The following SPRED3 variants were observed in gnomAD, a reference collection of about 807,000 sequenced individuals.
The protein encoded by SPRED3 is sprouty-related, EVH1 domain-containing protein 3.
A neutral mutation model predicts 37.6 loss-of-function variants in SPRED3; 23 were observed. The ratio of observed to expected loss-of-function variants is 0.61; its 90% CI spans 0.44 to 0.87. The LOEUF (loss-of-function observed/expected upper bound fraction) is 0.87, where lower values mean the gene tolerates loss of function less well. SPRED3 is among the 40% of genes least tolerant of loss of function. SPRED3 has a pLI of 0.00. For missense variants in SPRED3, 584 were observed against 618.6 expected (o/e 0.94, Z 0.59); for synonymous variants, 302 against 279.6 (o/e 1.08, Z -0.80).
At chr19:38,392,339 T>A (rs1970843796) in intron 4 of SPRED3, 51 bp downstream of exon 4, 5 of 1,455,864 alleles carry the variant, frequency 3.4e-6, no homozygotes, top group Non-Finnish European at 4.5e-6. Flanking sequence ...GTTTTGTTTT[T>A]ATTCTATGAA....
chr19:38,388,937 G>T (rs919236858), intron 1 of SPRED3, 130 bp downstream of exon 1: 6 of 393,730 alleles, frequency 1.5e-5, no homozygotes, highest in African/African-American at 1.2e-4. Context: ...GGACTAGAGA[G>T]TGGGGACCCC....
At position 38,397,012 on chromosome 19, in the gene SPRED3, A is replaced by G. The variant is rs930852657; in HGVS notation, c.*867A>G. On this transcript the variant is annotated 3_prime_UTR_variant, in exon 6 of 6. Coordinates refer to ENST00000691638, the MANE Select transcript of SPRED3 (RefSeq NM_001394336.1). ...CAGACACCAAGATGCTCTGGAAGCC[A>G]GGGATCAAAGACCTCCATAGGTCCA... 6.6e-6 allele frequency: 1 copy of G among 152,222 alleles called. No individual in the cohort carries two copies. Among genetic ancestry groups the G allele is most frequent in the Non-Finnish European group, 1.5e-5 (1 of 68,046 alleles). 9.4% of individuals were successfully genotyped at this position (152,222 alleles called of 1,614,324 possible). A position where few individuals can be genotyped will look rare whatever the true frequency, so the allele number is the denominator to read the frequency against.
At position 38,398,206 on chromosome 19, in the gene SPRED3, C is replaced by T. The variant is rs940371289; in HGVS notation, c.*2061C>T. The T allele has an allele frequency of 6.6e-6, 1 of 152,348 alleles. No homozygotes were observed. The highest frequency in any genetic ancestry group is 2.1e-4 in the South Asian group (1 of 4,800). The allele number at this position is 152,348 out of a possible 1,614,324, so 9.4% of individuals were successfully genotyped here. A position where few individuals can be genotyped will look rare whatever the true frequency, so the allele number is the denominator to read the frequency against. ...TCCCACCTTTTATGTTCTCCCCCTC[C>T]ATTAACCCCTTCTCTTCCTATTTAT... On this transcript the variant is annotated 3_prime_UTR_variant, in exon 6 of 6. Coordinates refer to ENST00000691638, the MANE Select transcript of SPRED3 (RefSeq NM_001394336.1).
chr19:38,396,320 C>T lies in SPRED3; in HGVS notation c.*175C>T, dbSNP rs1970897464. On this transcript the variant is annotated 3_prime_UTR_variant, in exon 6 of 6. Coordinates refer to ENST00000691638, the MANE Select transcript of SPRED3 (RefSeq NM_001394336.1). Reference sequence around the variant, plus strand: ...GAACCCAAACCTAGGACTGAGAGACCCCAGCCCCAGCTTCATTGGGGTGTC... The same window carrying T: ...GAACCCAAACCTAGGACTGAGAGACTCCAGCCCCAGCTTCATTGGGGTGTC... 2.4e-6 allele frequency: 1 copy of T among 408,788 alleles called. No individual in the cohort carries two copies. The highest frequency in any genetic ancestry group is 4.7e-5 in the Admixed American group (1 of 21,252). 25.3% of individuals were successfully genotyped at this position (408,788 alleles called of 1,614,324 possible).
intron 2 of SPRED3, among the ~76,000 whole-genome samples, chr19:38,391,701 C>A (rs142838706): frequency 2.7e-4 from 41 of 152,084 alleles, no homozygotes; most frequent in African/African-American, 8.7e-4. Flanking sequence ...AGGTTGATTC[C>A]GTAGTGAGCC....
At chr19:38,391,795 C>T (rs1970835741) in intron 2 of SPRED3, 151 bp from the exon 3 acceptor site, 2 of 859,876 alleles carry the variant, frequency 2.3e-6, no homozygotes, top group Non-Finnish European at 3.6e-6. Context: ...GGAGTCGTAT[C>T]AGTGTTGATC....
Position 38,396,457 on chromosome 19 carries a change from T to G in SPRED3, c.*312T>G. ...CATCTCAGAAAGGCCAGGGAGCACA[T>G]AGATCCCGAAAAGGGCAGGTCCCTG... On this transcript the variant is annotated 3_prime_UTR_variant, in exon 6 of 6. Transcript: ENST00000691638. The G allele has an allele frequency of 4.7e-6, 1 of 213,292 alleles. No homozygotes were observed. Among genetic ancestry groups the G allele is most frequent in the Non-Finnish European group, 8.8e-6 (1 of 113,270 alleles). 13.2% of individuals were successfully genotyped at this position (213,292 alleles called of 1,614,324 possible). A position where few individuals can be genotyped will look rare whatever the true frequency, so the allele number is the denominator to read the frequency against.
chr19:38,392,268 G>A lies in SPRED3; in HGVS notation c.403G>A (p.Glu135Lys), dbSNP rs1336817026. 1 of 1,579,150 alleles carries A rather than the reference G, an allele frequency of 6.3e-7. No homozygotes were observed. The highest frequency in any genetic ancestry group is 1.8e-5 in the Admixed American group (1 of 54,100). ...SSSSPSQDTA[E>K]TPCPLTSHVD... is the part of the protein sequence containing the mutation. ...CTCCTCTCCTTCCCAGGATACTGCAGAGACCCCCTGCCCTCTGACGGTGAG... is the reference window on the plus strand; with the variant it reads ...CTCCTCTCCTTCCCAGGATACTGCAAAGACCCCCTGCCCTCTGACGGTGAG... The change falls in exon 4 of 6, where the codon GAG becomes AAG. Residue 135 changes from glutamate (E) to lysine (K), a missense_variant. By Grantham distance (56) the Glu-to-Lys change is moderately conservative. Coordinates refer to ENST00000691638, the MANE Select transcript of SPRED3 (RefSeq NM_001394336.1).
rs914970926 is a variant in SPRED3, at chr19:38,395,752, A to G, written c.840A>G (p.Pro280=). 6.2e-6 allele frequency: 9 copies of G among 1,460,178 alleles called. No individual in the cohort carries two copies. In the African/African-American group the frequency reaches 1.0e-4, roughly 17 times the overall value. 90.5% of individuals were successfully genotyped at this position (1,460,178 alleles called of 1,614,324 possible). ...CTCGCCCACCCCCCGGCCCGGGCCC[A>G]TCCTCTGCGCCTGCCAAGGCCTCCC... is the stretch of plus-strand genomic sequence containing the variant. ...PPARPPPGPG[P]SSAPAKASPE... is the part of the protein sequence containing the mutation. The change falls in exon 6 of 6, where the codon CCA becomes CCG. Residue 280 remains proline, a synonymous_variant. Transcript: ENST00000691638. This position sits in a 1 kb window ranked among gnomAD's most constrained non-coding sequence, Gnocchi z 5.2.
chr19:38,390,309 C>T lies in SPRED3; in HGVS notation c.7C>T (p.Arg3Trp), dbSNP rs758762000. The T allele has an allele frequency of 2.0e-5, 27 of 1,351,156 alleles. No homozygotes were observed. Among genetic ancestry groups the T allele is most frequent in the South Asian group, 7.1e-5 (3 of 42,320 alleles). The allele number at this position is 1,351,156 out of a possible 1,614,324, so 83.7% of individuals were successfully genotyped here. A position where few individuals can be genotyped will look rare whatever the true frequency, so the allele number is the denominator to read the frequency against. Residue 3 changes from arginine (R) to tryptophan (W), a missense_variant, in exon 2 of 6, where the codon CGG becomes TGG. Around this residue, in one of 7 missense-constraint regions of SPRED3, gnomAD observed 20 missense variants for 39.0 expected, o/e 0.51. Coordinates refer to ENST00000691638, the MANE Select transcript of SPRED3 (RefSeq NM_001394336.1). MVRVRAVVMARDD... is the reference protein window; with the variant it reads MVWVRAVVMARDD... ...CCCCACCTCCTGCAGGTACATGGTGCGGGTCCGAGCTGTGGTGATGGCCCG... is the reference window on the plus strand; with the variant it reads ...CCCCACCTCCTGCAGGTACATGGTGTGGGTCCGAGCTGTGGTGATGGCCCG...
Position 38,396,016 on chromosome 19 carries a change from C to G in SPRED3, c.1104C>G (p.Ala368=), listed in dbSNP as rs888500687. ...PGHPRPAARW[A]ALAALSLAVP... ...ACCCGCGCCCCGCCGCGCGCTGGGCCGCGCTGGCCGCGCTCTCCCTGGCAG... is the reference window on the plus strand; with the variant it reads ...ACCCGCGCCCCGCCGCGCGCTGGGCGGCGCTGGCCGCGCTCTCCCTGGCAG... The change falls in exon 6 of 6, where the codon GCC becomes GCG. Residue 368 remains alanine (A), a synonymous_variant. Coordinates refer to ENST00000691638, the MANE Select transcript of SPRED3 (RefSeq NM_001394336.1). 2.9e-6 allele frequency: 4 copies of G among 1,371,216 alleles called. No homozygotes were observed. Among genetic ancestry groups the G allele is most frequent in the African/African-American group, 3.1e-5 (2 of 65,194 alleles). 84.9% of individuals were successfully genotyped at this position (1,371,216 alleles called of 1,614,324 possible).
intron 4 of SPRED3, chr19:38,394,432 C>G (rs374970472): frequency 1.3e-6 from 2 of 1,507,060 alleles, no homozygotes; most frequent in African/African-American, 1.4e-5. Flanking sequence ...AATAGGTACT[C>G]TTAGGATCCC....
At position 38,397,832 on chromosome 19, in the gene SPRED3, A is replaced by AG. The variant is rs2145165055; in HGVS notation, c.*1689dup. On this transcript the variant is annotated 3_prime_UTR_variant, in exon 6 of 6. Coordinates refer to ENST00000691638, the MANE Select transcript of SPRED3 (RefSeq NM_001394336.1). ...TGCCTTGTAATCCCAGCACTTTGGG[A>AG]GGCCAAGGGAGGAGGATCGCTTAAG... 1 of 151,860 alleles carries AG rather than the reference A, an allele frequency of 6.6e-6. No individual in the cohort carries two copies. Among genetic ancestry groups the AG allele is most frequent in the East Asian group, 1.9e-4 (1 of 5,152 alleles). The allele number at this position is 151,860 out of a possible 1,614,324, so 9.4% of individuals were successfully genotyped here.
chr19:38,394,856 C>T (rs1353856352), intron 5 of SPRED3, 70 bp downstream of exon 5: 19 of 1,450,402 alleles, frequency 1.3e-5, no homozygotes, highest in Non-Finnish European at 1.7e-5. Context: ...GGAGCGGGAG[C>T]CATGGCCCGG....
chr19:38,394,903 C>T (rs1290621652), intron 5 of SPRED3, 117 bp downstream of exon 5: 4 of 1,334,924 alleles, frequency 3.0e-6, no homozygotes, highest in African/African-American at 1.5e-5. Flanking sequence ...GATGGCTGAC[C>T]TGATAACTGG....
chr19:38,394,868 GA>G, intron 5 of SPRED3, 82 bp downstream of exon 5: 1 of 1,434,296 alleles, frequency 7.0e-7, no homozygotes, highest in Non-Finnish European at 9.1e-7. Flanking sequence ...ATGGCCCGGG[GA>G]GGTGGGGAAC....
Position 38,395,730 on chromosome 19 carries a change from G to T in SPRED3, c.818G>T (p.Arg273Leu). 1 of 1,438,516 alleles carries T rather than the reference G, an allele frequency of 7.0e-7. No homozygotes were observed. Among genetic ancestry groups the T allele is most frequent in the Non-Finnish European group, 9.0e-7 (1 of 1,106,870 alleles). 89.1% of individuals were successfully genotyped at this position (1,438,516 alleles called of 1,614,324 possible). A position where few individuals can be genotyped will look rare whatever the true frequency, so the allele number is the denominator to read the frequency against. ...GCTGCGCCCCCAGCGCCCCCCGCTC[G>T]CCCACCCCCCGGCCCGGGCCCATCC... ...TEAAPPAPPA[R>L]PPPGPGPSSA... Residue 273 changes from arginine (R) to leucine (L), a missense_variant, in exon 6 of 6, where the codon CGC becomes CTC. This residue lies in a region of SPRED3 where 310 missense variants were observed against 281.1 expected (regional missense o/e 1.10). Transcript: ENST00000691638. This position sits in a 1 kb window ranked among gnomAD's most constrained non-coding sequence, Gnocchi z 5.2.
Position 38,394,697 on chromosome 19 carries a change from A to G in SPRED3, c.478A>G (p.Ser160Gly), listed in dbSNP as rs1350448630. Residue 160 changes from serine (S) to glycine (G), a missense_variant, in exon 5 of 6, where the codon AGC becomes GGC. Physicochemically the swap from Ser to Gly is moderately conservative, Grantham distance 56 (BLOSUM62 0). This residue lies in a region of SPRED3 where 310 missense variants were observed against 281.1 expected (regional missense o/e 1.10). Coordinates refer to ENST00000691638, the MANE Select transcript of SPRED3 (RefSeq NM_001394336.1). ...SSHSRQETPP[S>G]AAAAPIITME... The stretch of plus-strand genomic sequence containing the variant: ...TCACAGCCGCCAGGAGACTCCTCCC[A>G]GCGCCGCTGCGGCCCCCATCATCAC... 2 of 1,597,086 alleles carry G rather than the reference A, an allele frequency of 1.3e-6. No homozygotes were observed. Among genetic ancestry groups the G allele is most frequent in the South Asian group, 2.3e-5 (2 of 88,766 alleles).
intron 4 of SPRED3, chr19:38,392,513 C>A: frequency 2.1e-6 from 1 of 472,054 alleles, no homozygotes; most frequent in Non-Finnish European, 3.6e-6. Flanking sequence ...CTTCTGTATA[C>A]CAGGCAGTGC....
Sources: allele counts gnomAD v4.1 joint callset (sites outside exome capture counted in the v4.1 genomes callset), GRCh38; gene constraint gnomAD v4.1.1; regional missense constraint gnomAD v4.1.1; non-coding constraint Gnocchi (gnomAD v3.1); transcripts MANE v1.5; gene names NCBI Gene and HGNC (gene_info 2026-07-23, HGNC 2026-07-21).